CERT1: variants seen among roughly 807,000 people sequenced by gnomAD.
The protein encoded by CERT1 is ceramide transfer protein.
In CERT1, 31 loss-of-function variants were observed where a neutral mutation model predicts 87.9. The ratio of observed to expected loss-of-function variants is 0.35; its 90% CI spans 0.27 to 0.48. CERT1 has a LOEUF of 0.48. CERT1 is among the 20% of genes least tolerant of loss of function. The pLI, the probability that CERT1 is intolerant of heterozygous loss-of-function variation, is 0.99. For synonymous variants in CERT1, 289 were observed against 250.9 expected, an observed-to-expected ratio of 1.15 and a Z score of -1.44; for missense variants, 487 against 758.0, an observed-to-expected ratio of 0.64 and a Z score of 4.20.
At chr5:75,393,920 G>A (rs917126712) in intron 11 of CERT1, among the ~76,000 whole-genome samples, 10 of 151,922 alleles carry the variant, frequency 6.6e-5, no homozygotes, top group South Asian at 4.2e-4. Flanking sequence ...AGCCGAGATC[G>A]CGCCACTGCA....
intron 5 of CERT1, among the ~76,000 whole-genome samples, chr5:75,424,310 G>A (rs886545339): frequency 3.3e-5 from 5 of 152,092 alleles, no homozygotes; most frequent in East Asian, 1.9e-4. Flanking sequence ...GGCCGAGCGC[G>A]GTGGCTCAGG....
chr5:75,433,317 T>A (rs2112216231), intron 3 of CERT1, among the ~76,000 whole-genome samples: 1 of 152,338 alleles, frequency 6.6e-6, no homozygotes, highest in East Asian at 1.9e-4. Context: ...ATTCTTCCTA[T>A]CCATAAGCAC....
At chr5:75,398,096 TATGG>T (rs1762330313) in intron 11 of CERT1, among the ~76,000 whole-genome samples, 1 of 152,164 alleles carries the variant, frequency 6.6e-6, no homozygotes, top group Non-Finnish European at 1.5e-5. Context: ...TATATTTGGT[TATGG>T]ATGATTTCTG....
chr5:75,440,546 A>G (rs1357272264), intron 3 of CERT1, among the ~76,000 whole-genome samples: 1 of 151,862 alleles, frequency 6.6e-6, no homozygotes, highest in African/African-American at 2.4e-5. Flanking sequence ...TTCATTTGGC[A>G]TTTTCTTCTA....
chr5:75,511,027 C>A, intron 1 of CERT1, 85 bp downstream of exon 1: 1 of 1,438,332 alleles, frequency 7.0e-7, no homozygotes, highest in Non-Finnish European at 9.1e-7. Context: ...CCGCGCCTCC[C>A]GCCAGCCCCA....
intron 8 of CERT1, among the ~76,000 whole-genome samples, chr5:75,408,100 A>T (rs1762788503): frequency 2.6e-5 from 4 of 152,138 alleles, no homozygotes; most frequent in Admixed American, 2.6e-4. Flanking sequence ...ATTTAGGATT[A>T]AACAAGTTTT....
intron 8 of CERT1, among the ~76,000 whole-genome samples, chr5:75,405,228 A>C (rs974537484): frequency 6.6e-6 from 1 of 152,140 alleles, no homozygotes; most frequent in African/African-American, 2.4e-5. Flanking sequence ...TCTTATGTTA[A>C]CAACTCTCCT....
At chr5:75,387,115 C>G (rs905632709) in intron 12 of CERT1, among the ~76,000 whole-genome samples, 10 of 151,958 alleles carry the variant, frequency 6.6e-5, no homozygotes, top group Non-Finnish European at 1.2e-4. Context: ...ATGATCTGCC[C>G]GCCTTGGCCT....
chr5:75,511,049 C>G, intron 1 of CERT1, 63 bp downstream of exon 1: 1 of 1,463,560 alleles, frequency 6.8e-7, no homozygotes, highest in Non-Finnish European at 9.0e-7. Flanking sequence ...CCCACCGCCT[C>G]AGCGGATTGC....
Position 75,510,537 on chromosome 5 carries a change from G to A in CERT1, c.96+575C>T, listed in dbSNP as rs187194840. ...TATGAATATTTCCTGTACCCATCAT[G>A]TGCCGATTCAATATCTCTATTCTGA... On this transcript the variant is annotated intron_variant, in intron 1 of 16. Transcript: ENST00000643780. Among the ~76,000 whole-genome samples the A allele has an allele frequency of 2.1e-3, 316 of 152,224 alleles. 1 individual carries two copies. The East Asian group carries it at 0.027, about 13-fold the overall frequency.
chr5:75,408,464 C>T (rs985390419), intron 8 of CERT1, among the ~76,000 whole-genome samples: 7 of 152,252 alleles, frequency 4.6e-5, no homozygotes, highest in East Asian at 1.9e-4. Context: ...ATCTGCATCT[C>T]GTTATTGGGC....
chr5:75,414,755 T>C (rs529283198), intron 7 of CERT1, among the ~76,000 whole-genome samples: 3 of 152,244 alleles, frequency 2.0e-5, no homozygotes, highest in Non-Finnish European at 2.9e-5. Flanking sequence ...AAGTATAATA[T>C]AGACAATTCT....
At chr5:75,412,554 T>C (rs1409494353) in intron 7 of CERT1, among the ~76,000 whole-genome samples, 1 of 152,212 alleles carries the variant, frequency 6.6e-6, no homozygotes, top group East Asian at 1.9e-4. Flanking sequence ...ACTTAATTCT[T>C]GTATAAACAT....
chr5:75,498,740 G>A (rs959383581), intron 2 of CERT1, among the ~76,000 whole-genome samples: 1 of 152,222 alleles, frequency 6.6e-6, no homozygotes, highest in African/African-American at 2.4e-5. Context: ...CTCTGCTAGG[G>A]CAGTACAGAA....
chr5:75,493,340 G>A (rs956340173), intron 2 of CERT1, among the ~76,000 whole-genome samples: 1 of 152,170 alleles, frequency 6.6e-6, no homozygotes, highest in African/African-American at 2.4e-5. Context: ...ATGTAAGTAT[G>A]CATCTCTAAA....
chr5:75,421,911 G>A (rs1418980486), intron 5 of CERT1, among the ~76,000 whole-genome samples: 1 of 152,088 alleles, frequency 6.6e-6, no homozygotes, highest in Non-Finnish European at 1.5e-5. Context: ...ATTTAAAGGA[G>A]TTGTTTTCTT....
chr5:75,372,924 G>C (rs1479339130), downstream of CERT1: 1 of 152,218 alleles, frequency 6.6e-6, no homozygotes, highest in Non-Finnish European at 1.5e-5. Flanking sequence ...ATACACTGGT[G>C]TGTAAACACA....
At chr5:75,454,008 C>T (rs1764867056) in intron 3 of CERT1, among the ~76,000 whole-genome samples, 1 of 152,150 alleles carries the variant, frequency 6.6e-6, no homozygotes, top group Non-Finnish European at 1.5e-5. Flanking sequence ...AACAAAAGCC[C>T]ATCCAATGGC....
intron 3 of CERT1, among the ~76,000 whole-genome samples, chr5:75,439,290 A>G (rs1178771086): frequency 6.6e-6 from 1 of 151,998 alleles, no homozygotes. Flanking sequence ...ATAAACTCGT[A>G]CATTATCATT....
Sources: allele counts gnomAD v4.1 joint callset (sites outside exome capture counted in the v4.1 genomes callset), GRCh38; gene constraint gnomAD v4.1.1; transcripts MANE v1.5; gene names NCBI Gene and HGNC (gene_info 2026-07-23, HGNC 2026-07-21).